FZR1: variants seen among roughly 807,000 people sequenced by gnomAD.
FZR1 encodes fizzy-related protein homolog.
FZR1 carries 11 observed loss-of-function variants against 63.6 expected under a neutral mutation model. The ratio of observed to expected loss-of-function variants is 0.17; its 90% CI spans 0.11 to 0.29. FZR1 has a LOEUF of 0.29. Among genes scored for constraint, FZR1 ranks in the 10% least tolerant of loss-of-function variants. The pLI is 1.00. For missense variants in FZR1, 440 were observed against 687.5 expected, an observed-to-expected ratio of 0.64 and a Z score of 4.03; for synonymous variants, 328 against 297.9, an observed-to-expected ratio of 1.10 and a Z score of -1.04.
At chr19:3,513,915 G>A (rs1284898673) in intron 1 of FZR1, among the ~76,000 whole-genome samples, 1 of 152,156 alleles carries the variant, frequency 6.6e-6, no homozygotes, top group African/African-American at 2.4e-5. Flanking sequence ...TAAAAGATCC[G>A]TCATTGGGAT....
At chr19:3,527,868 G>A in intron 7 of FZR1, 54 bp downstream of exon 7, 2 of 1,407,464 alleles carry the variant, frequency 1.4e-6, no homozygotes, top group Non-Finnish European at 9.9e-7. Context: ...GCTCCCAGCA[G>A]ACCTCAATGT....
chr19:3,530,452 G>A lies in FZR1; in HGVS notation c.655-340G>A, dbSNP rs1176272160. Among the ~76,000 whole-genome samples the A allele has an allele frequency of 3.7e-5, 5 of 133,944 alleles. 1 individual carries two copies. The highest frequency in any genetic ancestry group is 6.4e-5 in the Non-Finnish European group (4 of 62,418). The allele number at this position is 133,944 out of a possible 152,430, so 87.9% of individuals were successfully genotyped here. On this transcript the variant is annotated intron_variant, in intron 7 of 13. Coordinates refer to ENST00000441788, the MANE Select transcript of FZR1 (RefSeq NM_016263.4). ...GGAGAGCGGATGGGAGAGCGCATGG[G>A]AGAGCGCATGGATGAGCGCATGGGA...
intron 1 of FZR1, 78 bp from the exon 2 acceptor site, chr19:3,522,878 C>G: frequency 1.3e-6 from 1 of 775,034 alleles, no homozygotes; most frequent in Non-Finnish European, 2.3e-6. Flanking sequence ...CTCCCAGGGC[C>G]TGGAGGTGCA....
chr19:3,523,940 C>G (rs546144352), intron 2 of FZR1, among the ~76,000 whole-genome samples: 12 of 152,362 alleles, frequency 7.9e-5, no homozygotes, highest in African/African-American at 2.2e-4. Flanking sequence ...GCCTTCTCCC[C>G]CTGTGCGGTG....
At chr19:3,524,296 G>A (rs897173655) in intron 2 of FZR1, among the ~76,000 whole-genome samples, 11 of 152,210 alleles carry the variant, frequency 7.2e-5, no homozygotes, top group Non-Finnish European at 1.5e-4. Context: ...CCTCCATCCA[G>A]TGCACTTCGA....
chr19:3,530,842 G>A lies in FZR1; in HGVS notation c.705G>A (p.Val235=). Residue 235 remains valine (V), a synonymous_variant, in exon 8 of 14, where the codon GTG becomes GTA. Coordinates refer to ENST00000441788, the MANE Select transcript of FZR1 (RefSeq NM_016263.4). ...LSVEGDSVTS[V]GWSERGNLVA... ...TGGAAGGGGACTCAGTGACCTCCGT[G>A]GGCTGGTCTGAGCGGGTGAGTGCAG... is the stretch of plus-strand genomic sequence containing the variant. The A allele has an allele frequency of 6.2e-7, 1 of 1,612,800 alleles. No homozygotes were observed. The highest frequency in any genetic ancestry group is 1.1e-5 in the South Asian group (1 of 90,988).
chr19:3,533,286 C>T lies in FZR1; in HGVS notation c.1243-8C>T, dbSNP rs2122026152. On this transcript the variant is annotated splice_region_variant and splice_polypyrimidine_tract_variant and intron_variant, in intron 11 of 13. Transcript: ENST00000441788. The surrounding 1 kb of genome is among the most constrained non-coding windows in gnomAD (Gnocchi z 4.9). The stretch of plus-strand genomic sequence containing the variant: ...CTCACCGACCGCAGCGCCCCCTCCG[C>T]CCTCCAGGTGAGCACGCACGGCTAC... 6.3e-7 allele frequency: 1 copy of T among 1,584,350 alleles called. No homozygotes were observed. Among genetic ancestry groups the T allele is most frequent in the Non-Finnish European group, 8.7e-7 (1 of 1,154,232 alleles).
At chr19:3,527,127 T>C in intron 6 of FZR1, 65 bp downstream of exon 6, 6 of 1,287,524 alleles carry the variant, frequency 4.7e-6, no homozygotes, top group Non-Finnish European at 5.7e-6. Context: ...AAGAGGTGGG[T>C]CCCAGCTTCC....
At chr19:3,508,180 G>T (rs1026592876) in intron 1 of FZR1, among the ~76,000 whole-genome samples, 1 of 151,512 alleles carries the variant, frequency 6.6e-6, no homozygotes, top group African/African-American at 2.4e-5. Context: ...TGGTCTTCAA[G>T]GTGGGGCTAC....
rs118041331 is a variant in FZR1, at chr19:3,519,244, C to T, written c.-34-3712C>T. Among the ~76,000 whole-genome samples the T allele has an allele frequency of 3.7e-4, 56 of 152,372 alleles. No individual in the cohort carries two copies. In the East Asian group the frequency reaches 0.011, roughly 29 times the overall value. On this transcript the variant is annotated intron_variant, in intron 1 of 13. Transcript: ENST00000441788. The stretch of plus-strand genomic sequence containing the variant: ...AGTCACACCTGCAGAGTCCCTGCTG[C>T]CCTGCAAGGTGGCCTAGGCACAGGT...
intron 6 of FZR1, 104 bp downstream of exon 6, chr19:3,527,166 T>A: frequency 1.1e-6 from 1 of 911,896 alleles, no homozygotes; most frequent in Non-Finnish European, 1.8e-6. Flanking sequence ...CGGGTCCTGG[T>A]GGGCGAGGCT....
At position 3,536,129 on chromosome 19, in the gene FZR1, C is replaced by T. The variant is rs1599798240; in HGVS notation, c.*1293C>T. On this transcript the variant is annotated 3_prime_UTR_variant, in exon 14 of 14. Coordinates refer to ENST00000441788, the MANE Select transcript of FZR1 (RefSeq NM_016263.4). Reference sequence around the variant, plus strand: ...CTCCCCACTCCCCACATCCCAACATCCTGGTGTCTGTCCCCAGTGGGGTTG... The same window carrying T: ...CTCCCCACTCCCCACATCCCAACATTCTGGTGTCTGTCCCCAGTGGGGTTG... 6.6e-6 allele frequency: 1 copy of T among 152,254 alleles called. No homozygotes were observed. The highest frequency in any genetic ancestry group is 2.4e-5 in the African/African-American group (1 of 41,440). 9.4% of individuals were successfully genotyped at this position (152,254 alleles called of 1,614,324 possible). A position where few individuals can be genotyped will look rare whatever the true frequency, so the allele number is the denominator to read the frequency against.
chr19:3,524,297 T>G (rs1486986354), intron 2 of FZR1, among the ~76,000 whole-genome samples: 1 of 152,126 alleles, frequency 6.6e-6, no homozygotes, highest in Non-Finnish European at 1.5e-5. Context: ...CTCCATCCAG[T>G]GCACTTCGAA....
At position 3,527,140 on chromosome 19, in the gene FZR1, C is replaced by T. The variant is rs531550121; in HGVS notation, c.470+78C>T. On this transcript the variant is annotated intron_variant, in intron 6 of 13. Coordinates refer to ENST00000441788, the MANE Select transcript of FZR1 (RefSeq NM_016263.4). ...GCAAGAGGTGGGTCCCAGCTTCCTC[C>T]GCAGCCCTGTCCCTGCGGGTCCTGG... 9.4e-5 allele frequency: 109 copies of T among 1,162,052 alleles called. No individual in the cohort carries two copies. The African/African-American group carries it at 1.2e-3, about 13-fold the overall frequency. The allele number at this position is 1,162,052 out of a possible 1,614,324, so 72.0% of individuals were successfully genotyped here.
chr19:3,513,914 C>T lies in FZR1; in HGVS notation c.-35+7440C>T, dbSNP rs116320497. On this transcript the variant is annotated intron_variant, in intron 1 of 13. Coordinates refer to ENST00000441788, the MANE Select transcript of FZR1 (RefSeq NM_016263.4). The stretch of plus-strand genomic sequence containing the variant: ...CTCAACACATGAGTCATAAAAGATC[C>T]GTCATTGGGATGTTTCAATTCCTTT... 4.6e-3 allele frequency among the ~76,000 whole-genome samples: 693 copies of T among 152,204 alleles called. 4 individuals are homozygous for T. Among genetic ancestry groups the T allele is most frequent in the African/African-American group, 0.015 (602 of 41,514 alleles).
intron 7 of FZR1, among the ~76,000 whole-genome samples, chr19:3,530,409 CGCATGGGAGAGCGCATGGGAGAGCGG>C: frequency 8.7e-6 from 1 of 114,806 alleles, no homozygotes; most frequent in Non-Finnish European, 1.8e-5. Flanking sequence ...GATGGGAGAG[CGCATGGGAGAGCGCATGGGAGAGCGG>C]ATGGGAGAGC....
At chr19:3,534,590 G>T in intron 13 of FZR1, 77 bp downstream of exon 13, 3 of 1,031,696 alleles carry the variant, frequency 2.9e-6, no homozygotes, top group Non-Finnish European at 4.5e-6. Context: ...CACTGTCCTC[G>T]GGCGTACCCT....
chr19:3,528,831 ATGGATGAGAGAG>A (rs2083192618), intron 7 of FZR1, among the ~76,000 whole-genome samples: 1 of 94,472 alleles, frequency 1.1e-5, no homozygotes, highest in Non-Finnish European at 2.2e-5. Context: ...GGATGGGAGA[ATGGATGAGAGAG>A]TGGATGGGTG....
In FZR1 at chr19:3,525,443, T is replaced by TC. The variant is rs1182996310; in HGVS notation, c.70-425_70-424insC. 7.4e-6 allele frequency among the ~76,000 whole-genome samples: 1 copy of TC among 135,202 alleles called. No individual in the cohort carries two copies. The highest frequency in any genetic ancestry group is 7.3e-5 in the Admixed American group (1 of 13,660). The allele number at this position is 135,202 out of a possible 152,430, so 88.7% of individuals were successfully genotyped here. On this transcript the variant is annotated intron_variant, in intron 2 of 13. Transcript: ENST00000441788. This position sits in a 1 kb window ranked among gnomAD's most constrained non-coding sequence, Gnocchi z 4.2. ...CCTCCTTGGGTTTTCTTTTTTTTTT[T>TC]TTTTTTTTTTTTTTTTTGAGACGGA...
Sources: gnomAD v4.1 joint callset for allele counts (sites outside exome capture counted in the v4.1 genomes callset) on GRCh38, gnomAD v4.1.1 for gene constraint, Gnocchi (gnomAD v3.1) non-coding constraint, MANE v1.5 for transcripts, NCBI Gene and HGNC (gene_info 2026-07-23, HGNC 2026-07-21) for gene names.